The following MKLN1 variants were observed in gnomAD, a reference collection of about 807,000 sequenced individuals.
MKLN1 encodes muskelin.
A neutral mutation model predicts 99.0 loss-of-function variants in MKLN1; 18 were observed. The observed-to-expected ratio is 0.18, with a 90% confidence interval of 0.13 to 0.27. The LOEUF is 0.27. Among genes scored for constraint, MKLN1 ranks in the 10% least tolerant of loss-of-function variants. The probability of loss-of-function intolerance (pLI) is 1.00; values close to 1 mark genes in which losing one functional copy is unlikely to be tolerated. For synonymous variants in MKLN1, 288 were observed against 293.2 expected (o/e 0.98, Z 0.18); for missense variants, 621 against 875.9 (o/e 0.71, Z 3.67).
At chr7:131,255,369 A>ATC (rs1367431156) in intron 3 of MKLN1, among the ~76,000 whole-genome samples, 1 of 152,250 alleles carries the variant, frequency 6.6e-6, no homozygotes, top group Non-Finnish European at 1.5e-5. Flanking sequence ...AGACAGATAA[A>ATC]GAGAGTATCT....
Position 131,416,963 on chromosome 7 carries a change from C to T in MKLN1, c.847+2253C>T, listed in dbSNP as rs1042840510. 3.4e-5 allele frequency among the ~76,000 whole-genome samples: 3 copies of T among 89,260 alleles called. No homozygotes were observed. The Admixed American group carries it at 5.2e-4, about 15-fold the overall frequency. The allele number at this position is 89,260 out of a possible 152,430, so 58.6% of individuals were successfully genotyped here. The stretch of plus-strand genomic sequence containing the variant: ...CACCACTGCACACCTGCCTGGGCAA[C>T]AAAGCGCAACCCTGTCAAAAAAAAA... On this transcript the variant is annotated intron_variant, in intron 8 of 17. Transcript: ENST00000352689.
intron 3 of MKLN1, among the ~76,000 whole-genome samples, chr7:131,308,561 T>G (rs906268591): frequency 6.7e-6 from 1 of 149,890 alleles, no homozygotes; most frequent in Non-Finnish European, 1.5e-5. Context: ...GCGCCTGGCC[T>G]CAGGTAGGTT....
At chr7:131,481,546 A>T (rs1797122278) in intron 17 of MKLN1, among the ~76,000 whole-genome samples, 1 of 152,144 alleles carries the variant, frequency 6.6e-6, no homozygotes, top group Admixed American at 6.5e-5. Context: ...CTATTTTTTT[A>T]AAAAAGTCAC....
At chr7:131,163,594 C>T (rs942354552) in intron 2 of MKLN1, among the ~76,000 whole-genome samples, 3 of 152,170 alleles carry the variant, frequency 2.0e-5, no homozygotes, top group Admixed American at 2.0e-4. Flanking sequence ...ACATTCTTCA[C>T]AGCAATCCTG....
At chr7:131,285,514 A>G (rs1278541966) in intron 3 of MKLN1, among the ~76,000 whole-genome samples, 2 of 152,250 alleles carry the variant, frequency 1.3e-5, no homozygotes, top group African/African-American at 4.8e-5. Flanking sequence ...ACCTGTCGTA[A>G]TTGGACTTGC....
chr7:131,151,516 G>C (rs967426725), intron 2 of MKLN1, among the ~76,000 whole-genome samples: 2 of 152,084 alleles, frequency 1.3e-5, no homozygotes, highest in Non-Finnish European at 2.9e-5. Flanking sequence ...CCTTACTTTA[G>C]AGCTATATTT....
chr7:131,397,575 G>A (rs1052303669), intron 5 of MKLN1, among the ~76,000 whole-genome samples, 199 bp downstream of exon 5: 7 of 152,116 alleles, frequency 4.6e-5, no homozygotes, highest in African/African-American at 1.4e-4. Context: ...TATGAGACAG[G>A]TGCACTTATT....
At chr7:131,229,536 A>ATG (rs3077547) in intron 3 of MKLN1, among the ~76,000 whole-genome samples, 100,210 of 150,884 alleles carry the variant, frequency 0.66, 33,406 homozygotes, top group Non-Finnish European at 0.7. Flanking sequence ...CTTTTCAGAC[A>ATG]TGTGTGTGTG....
chr7:131,301,066 G>T (rs1321102832), intron 3 of MKLN1, among the ~76,000 whole-genome samples: 6 of 152,150 alleles, frequency 3.9e-5, no homozygotes, highest in Admixed American at 1.3e-4. Context: ...ATCTTTTGAG[G>T]AACGTACAAA....
chr7:131,163,758 T>G (rs1193204556), intron 2 of MKLN1, among the ~76,000 whole-genome samples: 1 of 152,254 alleles, frequency 6.6e-6, no homozygotes. Flanking sequence ...GGCATCAGTG[T>G]TCTTCGCTCA....
intron 3 of MKLN1, among the ~76,000 whole-genome samples, chr7:131,291,123 T>TTATC: frequency 6.7e-6 from 1 of 149,364 alleles, no homozygotes; most frequent in African/African-American, 2.5e-5. Flanking sequence ...ATTTATTTAT[T>TTATC]TATTTATTTA....
chr7:131,270,389 T>C (rs1025078016), intron 3 of MKLN1, among the ~76,000 whole-genome samples: 2 of 152,112 alleles, frequency 1.3e-5, no homozygotes, highest in Non-Finnish European at 2.9e-5. Context: ...CCCAGCTAAG[T>C]TTTGTGTTTT....
At chr7:131,471,837 A>T (rs1796828472) in intron 16 of MKLN1, 1 of 152,194 alleles carries the variant, frequency 6.6e-6, no homozygotes, top group Non-Finnish European at 1.5e-5. Context: ...TTTAATGTTG[A>T]ATCACTTTCA....
At chr7:131,229,147 G>A (rs1297204010) in intron 3 of MKLN1, among the ~76,000 whole-genome samples, 2 of 137,486 alleles carry the variant, frequency 1.5e-5, no homozygotes, top group Non-Finnish European at 3.2e-5. Context: ...AGCCGTAGGT[G>A]GGTTTTAGGG....
At chr7:131,188,533 C>G (rs565256811) in intron 2 of MKLN1, among the ~76,000 whole-genome samples, 1 of 152,300 alleles carries the variant, frequency 6.6e-6, no homozygotes, top group African/African-American at 2.4e-5. Context: ...CTAGCCTGGA[C>G]TTGTTCGCAT....
intron 3 of MKLN1, among the ~76,000 whole-genome samples, chr7:131,317,105 C>T (rs1269461909): frequency 6.6e-6 from 1 of 152,110 alleles, no homozygotes; most frequent in East Asian, 1.9e-4. Context: ...ATACAGAGAA[C>T]ACCACTAAGA....
chr7:131,246,579 C>G (rs1430948147), intron 3 of MKLN1, among the ~76,000 whole-genome samples: 1 of 151,592 alleles, frequency 6.6e-6, no homozygotes, highest in Non-Finnish European at 1.5e-5. Flanking sequence ...AATTATTGAA[C>G]TGTAACAGCT....
At chr7:131,322,850 G>A (rs946531812) in intron 3 of MKLN1, among the ~76,000 whole-genome samples, 2 of 152,098 alleles carry the variant, frequency 1.3e-5, no homozygotes, top group South Asian at 2.1e-4. Flanking sequence ...GATTACAGGC[G>A]TGAGCCACCG....
chr7:131,269,822 G>A (rs985832843), intron 3 of MKLN1, among the ~76,000 whole-genome samples: 7 of 152,156 alleles, frequency 4.6e-5, no homozygotes, highest in African/African-American at 4.8e-5. Flanking sequence ...CATATAAAGA[G>A]GATGATGTAC....
Sources: gnomAD v4.1 joint callset for allele counts (sites outside exome capture counted in the v4.1 genomes callset) on GRCh38, gnomAD v4.1.1 for gene constraint, MANE v1.5 for transcripts, NCBI Gene and HGNC (gene_info 2026-07-23, HGNC 2026-07-21) for gene names.